The following CSPG5 variants were observed in gnomAD, a reference collection of about 807,000 sequenced individuals.
CSPG5 encodes the protein chondroitin sulfate proteoglycan 5.
A neutral mutation model predicts 39.8 loss-of-function variants in CSPG5; 25 were observed. The ratio of observed to expected loss-of-function variants is 0.63; its 90% confidence interval spans 0.46 to 0.88. The LOEUF (loss-of-function observed/expected upper bound fraction) is 0.88. CSPG5 is among the 40% of genes least tolerant of loss of function. The pLI is 0.00. For synonymous variants in CSPG5, 295 were observed against 303.9 expected (o/e 0.97, Z 0.31); for missense variants, 627 against 702.2 (o/e 0.89, Z 1.21).
intron 2 of CSPG5, among the ~76,000 whole-genome samples, chr3:47,574,484 C>G (rs1045646662): frequency 6.6e-6 from 1 of 152,136 alleles, no homozygotes; most frequent in African/African-American, 2.4e-5. Context: ...TTTCTGGTAG[C>G]CCTTAATCAA....
rs376844246 is a variant in CSPG5 at position 47,562,783 on chromosome 3, G to C, written c.1459-22C>G. The C allele has an allele frequency of 1.5e-4, 231 of 1,586,328 alleles. 1 individual carries two copies. Among genetic ancestry groups the C allele is most frequent in the Admixed American group, 1.2e-3 (68 of 58,768 alleles). On this transcript the variant is annotated intron_variant, in intron 4 of 4. Coordinates refer to ENST00000264723, the MANE Select transcript of CSPG5 (RefSeq NM_006574.4). ...CATCCTGGAAGAGGGAAAAAGTTGG[G>C]GGGGGGGAGACAATGCATACAGCAA...
intron 4 of CSPG5, among the ~76,000 whole-genome samples, chr3:47,564,836 A>C (rs1210576354): frequency 6.6e-6 from 1 of 152,056 alleles, no homozygotes; most frequent in African/African-American, 2.4e-5. Context: ...GTGGGGGTGA[A>C]GTAGAGCTGC....
chr3:47,572,908 G>A lies in CSPG5; in HGVS notation c.1194-34C>T, dbSNP rs373532464. On this transcript the variant is annotated intron_variant, in intron 2 of 4. Transcript: ENST00000264723. The surrounding 1 kb of genome is among the most constrained non-coding windows in gnomAD (Gnocchi z 4.5). Reference sequence around the variant, plus strand: ...GCGACATTGAGAAACCGTGGCGATGGAGCAGGCAGCCACGGCCACAGTAAG... The same window carrying A: ...GCGACATTGAGAAACCGTGGCGATGAAGCAGGCAGCCACGGCCACAGTAAG... 5 of 1,590,154 alleles carry A rather than the reference G, an allele frequency of 3.1e-6. No individual in the cohort carries two copies. Among genetic ancestry groups the A allele is most frequent in the Non-Finnish European group, 1.7e-6 (2 of 1,164,342 alleles).
intron 4 of CSPG5, among the ~76,000 whole-genome samples, chr3:47,564,691 C>G (rs2031223209): frequency 6.6e-6 from 1 of 152,102 alleles, no homozygotes; most frequent in African/African-American, 2.4e-5. Context: ...AGATCTCCAT[C>G]ATACACTGAT....
intron 4 of CSPG5, among the ~76,000 whole-genome samples, chr3:47,563,716 C>T (rs754737945): frequency 3.9e-5 from 6 of 152,208 alleles, no homozygotes; most frequent in East Asian, 1.9e-4. Context: ...TGACCATGCC[C>T]GGCTAACTTG....
At chr3:47,566,037 A>G (rs752726851) in intron 4 of CSPG5, among the ~76,000 whole-genome samples, 13 of 152,200 alleles carry the variant, frequency 8.5e-5, no homozygotes, top group Non-Finnish European at 1.9e-4. Flanking sequence ...GGAGGGAAAG[A>G]GGTGCCACCG....
chr3:47,575,861 A>G (rs1007812582), intron 2 of CSPG5, among the ~76,000 whole-genome samples: 7 of 148,464 alleles, frequency 4.7e-5, no homozygotes, highest in Non-Finnish European at 8.9e-5. Context: ...TACCACCAGA[A>G]CCCTCCAGCA....
At chr3:47,563,068 C>A (rs139328078) in intron 4 of CSPG5, among the ~76,000 whole-genome samples, 1 of 152,194 alleles carries the variant, frequency 6.6e-6, no homozygotes, top group Admixed American at 6.5e-5. Flanking sequence ...TTGGCCCAGG[C>A]GCCTCTATAG....
In CSPG5 at chr3:47,578,695, G is replaced by T; in HGVS notation, c.-2C>A. 1.5e-5 allele frequency: 15 copies of T among 972,636 alleles called. No individual in the cohort carries two copies. The highest frequency in any genetic ancestry group is 1.9e-5 in the Non-Finnish European group (15 of 796,700). The allele number at this position is 972,636 out of a possible 1,614,324, so 60.3% of individuals were successfully genotyped here. A position where few individuals can be genotyped will look rare whatever the true frequency, so the allele number is the denominator to read the frequency against. ...GCCCCCGCCCCCGGCTCGCCCCATG[G>T]CGCGGCGCCCCGACCGCTGTCCGCG... is the stretch of plus-strand genomic sequence containing the variant. On this transcript the variant is annotated 5_prime_UTR_variant, in exon 1 of 5. Coordinates refer to ENST00000264723, the MANE Select transcript of CSPG5 (RefSeq NM_006574.4). This position sits in a 1 kb window ranked among gnomAD's most constrained non-coding sequence, Gnocchi z 6.0.
chr3:47,578,109 TCTGC>T lies in CSPG5; in HGVS notation c.98-185_98-182del. ...GGTACCTCTAAGCCCCGTCCCGGAG[TCTGC>T]CCCCAAGACGAGGATCACACCCCGC... On this transcript the variant is annotated intron_variant, in intron 1 of 4. Transcript: ENST00000264723. The surrounding 1 kb of genome is among the most constrained non-coding windows in gnomAD (Gnocchi z 6.0). 5 of 957,210 alleles carry T rather than the reference TCTGC, an allele frequency of 5.2e-6. No individual in the cohort carries two copies. Among genetic ancestry groups the T allele is most frequent in the Non-Finnish European group, 6.8e-6 (5 of 733,666 alleles). The allele number at this position is 957,210 out of a possible 1,614,324, so 59.3% of individuals were successfully genotyped here.
rs1162551428 is a variant in CSPG5, at chr3:47,577,866, G to A, written c.160C>T (p.Pro54Ser). The change falls in exon 2 of 5, where the codon CCG becomes TCG. Residue 54 changes from proline to serine, a missense_variant. Transcript: ENST00000264723. The surrounding 1 kb of genome is among the most constrained non-coding windows in gnomAD (Gnocchi z 4.7). ...ELVKGSPAWEPPANDTREEAG... is the reference protein window; with the variant it reads ...ELVKGSPAWESPANDTREEAG... ...TCTTCCCGCGTGTCGTTGGCAGGCG[G>A]CTCCCACGCCGGGCTGCCCTTCACC... is the stretch of plus-strand genomic sequence containing the variant. The A allele has an allele frequency of 8.5e-6, 13 of 1,528,258 alleles. No homozygotes were observed. The highest frequency in any genetic ancestry group is 6.1e-6 in the Non-Finnish European group (7 of 1,149,668). 94.7% of individuals were successfully genotyped at this position (1,528,258 alleles called of 1,614,324 possible). A position where few individuals can be genotyped will look rare whatever the true frequency, so the allele number is the denominator to read the frequency against.
At position 47,572,691 on chromosome 3, in the gene CSPG5, C is replaced by G. The variant is rs148549926; in HGVS notation, c.1377G>C (p.Arg459Ser). 3.1e-6 allele frequency: 5 copies of G among 1,613,848 alleles called. No homozygotes were observed. In the East Asian group the frequency reaches 8.9e-5, roughly 29 times the overall value. ...LLKTENTKLR[R>S]TNKFRTPSEL... ...GGTGAGTGACACAGACTCACTTGGT[C>G]CTACGCAGCTTGGTATTCTCCGTCT... Residue 459 changes from arginine (R) to serine (S), a missense_variant, in exon 3 of 5, where the codon AGG becomes AGC. Transcript: ENST00000264723. This position sits in a 1 kb window ranked among gnomAD's most constrained non-coding sequence, Gnocchi z 4.5.
chr3:47,578,305 C>A lies in CSPG5; in HGVS notation c.97+292G>T, dbSNP rs1341533771. Among the ~76,000 whole-genome samples the A allele has an allele frequency of 6.6e-6, 1 of 150,802 alleles. No individual in the cohort carries two copies. ...TCCAGGTCCCGCCCCGAAGTCTCACCCTCAGGCCCCGCCCCGGCCCCGCCC... is the reference window on the plus strand; with the variant it reads ...TCCAGGTCCCGCCCCGAAGTCTCACACTCAGGCCCCGCCCCGGCCCCGCCC... On this transcript the variant is annotated intron_variant, in intron 1 of 4. Transcript: ENST00000264723. This position sits in a 1 kb window ranked among gnomAD's most constrained non-coding sequence, Gnocchi z 6.0.
At position 47,578,023 on chromosome 3, in the gene CSPG5, C is replaced by T. The variant is rs1576375454; in HGVS notation, c.98-95G>A. The T allele has an allele frequency of 3.7e-6, 5 of 1,341,588 alleles. No homozygotes were observed. The highest frequency in any genetic ancestry group is 4.7e-6 in the Non-Finnish European group (5 of 1,053,558). 83.1% of individuals were successfully genotyped at this position (1,341,588 alleles called of 1,614,324 possible). On this transcript the variant is annotated intron_variant, in intron 1 of 4. Coordinates refer to ENST00000264723, the MANE Select transcript of CSPG5 (RefSeq NM_006574.4). This position sits in a 1 kb window ranked among gnomAD's most constrained non-coding sequence, Gnocchi z 6.0. ...CCCGGTCAGGCCCGCTCGCCTAGAC[C>T]TGGTCAACCCAGACCTCGCCACCCT... is the stretch of plus-strand genomic sequence containing the variant.
In CSPG5 at chr3:47,577,835, C is replaced by T. The variant is rs368745564; in HGVS notation, c.191G>A (p.Gly64Asp). Residue 64 changes from glycine (G) to aspartate (D), a missense_variant, in exon 2 of 5, where the codon GGC becomes GAC. Gly to Asp is a moderately conservative substitution (Grantham distance 94). Coordinates refer to ENST00000264723, the MANE Select transcript of CSPG5 (RefSeq NM_006574.4). The surrounding 1 kb of genome is among the most constrained non-coding windows in gnomAD (Gnocchi z 4.7). ...PPANDTREEA[G>D]PPAAGEDEAS... ...CTCATCTTCCCCAGCCGCTGGTGGG[C>T]CGGCTTCTTCCCGCGTGTCGTTGGC... The T allele has an allele frequency of 1.9e-6, 3 of 1,561,316 alleles. No individual in the cohort carries two copies. The highest frequency in any genetic ancestry group is 1.9e-5 in the Admixed American group (1 of 53,220).
At chr3:47,569,113 G>T (rs766065633) in intron 4 of CSPG5, 39 bp downstream of exon 4, 2 of 1,589,628 alleles carry the variant, frequency 1.3e-6, no homozygotes, top group Non-Finnish European at 1.7e-6. Context: ...CACGGGCATG[G>T]GGGGAGGAGG....
intron 4 of CSPG5, 100 bp from the exon 5 acceptor site, chr3:47,562,861 C>A: frequency 1.6e-6 from 2 of 1,267,998 alleles, no homozygotes; most frequent in South Asian, 1.7e-5. Context: ...ATCACTGAAA[C>A]AAGGAAAAAG....
intron 2 of CSPG5, among the ~76,000 whole-genome samples, chr3:47,574,675 C>T (rs1170129110): frequency 6.6e-6 from 1 of 152,170 alleles, no homozygotes; most frequent in Non-Finnish European, 1.5e-5. Context: ...CGCGGTGGCT[C>T]ACGCCTGTAA....
rs887563161 is a variant in CSPG5 at position 47,578,123 on chromosome 3, G to A, written c.98-195C>T. On this transcript the variant is annotated intron_variant, in intron 1 of 4. Coordinates refer to ENST00000264723, the MANE Select transcript of CSPG5 (RefSeq NM_006574.4). The surrounding 1 kb of genome is among the most constrained non-coding windows in gnomAD (Gnocchi z 6.0). ...CCGTCCCGGAGTCTGCCCCCAAGAC[G>A]AGGATCACACCCCGCCCAACGCCTC... is the stretch of plus-strand genomic sequence containing the variant. 1 of 848,962 alleles carries A rather than the reference G, an allele frequency of 1.2e-6. No individual in the cohort carries two copies. The highest frequency in any genetic ancestry group is 1.6e-6 in the Non-Finnish European group (1 of 633,376). The allele number at this position is 848,962 out of a possible 1,614,324, so 52.6% of individuals were successfully genotyped here. A position where few individuals can be genotyped will look rare whatever the true frequency, so the allele number is the denominator to read the frequency against.
Sources: gnomAD v4.1 joint callset for allele counts (sites outside exome capture counted in the v4.1 genomes callset) on GRCh38, gnomAD v4.1.1 for gene constraint, Gnocchi (gnomAD v3.1) non-coding constraint, MANE v1.5 for transcripts, NCBI Gene and HGNC (gene_info 2026-07-23, HGNC 2026-07-21) for gene names.